Variants in GRAP2 observed in about 807,000 individuals in gnomAD.
The protein encoded by GRAP2 is GRB2 related adaptor protein 2.
A neutral mutation model predicts 43.5 loss-of-function variants in GRAP2; 31 were observed. The observed-to-expected ratio is 0.71, with a 90% CI of 0.54 to 0.96. The LOEUF (loss-of-function observed/expected upper bound fraction) is 0.96, where lower values mean the gene tolerates loss of function less well. GRAP2 is among the 40% of genes least tolerant of loss of function. The pLI is 0.00. For missense variants in GRAP2, 371 were observed against 424.4 expected (o/e 0.87, Z 1.11); for synonymous variants, 156 against 164.8 (o/e 0.95, Z 0.41).
chr22:39,956,856 C>T (rs1292552469), intron 3 of GRAP2, among the ~76,000 whole-genome samples: 3 of 152,130 alleles, frequency 2.0e-5, no homozygotes, highest in East Asian at 1.9e-4. Context: ...CCAAAGGGGA[C>T]GCTATTGGCC....
chr22:39,947,492 C>T (rs1569207849), intron 2 of GRAP2: 1 of 355,842 alleles, frequency 2.8e-6, no homozygotes, highest in Non-Finnish European at 5.3e-6. Flanking sequence ...ACAAGTGATT[C>T]CATCTTGAAA....
intron 3 of GRAP2, among the ~76,000 whole-genome samples, chr22:39,958,575 G>A (rs747028205): frequency 1.3e-5 from 2 of 152,154 alleles, no homozygotes; most frequent in African/African-American, 2.4e-5. Context: ...ATGAACGAAC[G>A]AATATGTATT....
rs528896355 is a variant in GRAP2, at chr22:39,903,830, A to G, written c.-15+2500A>G. 2.6e-5 allele frequency among the ~76,000 whole-genome samples: 4 copies of G among 152,274 alleles called. No individual in the cohort carries two copies. The South Asian group carries it at 8.3e-4, about 32-fold the overall frequency. Reference sequence around the variant, plus strand: ...AAGAAAGCATGGTCCTGTTTAACAAATAAGCATTTTACAAACATTTATCGA... The same window carrying G: ...AAGAAAGCATGGTCCTGTTTAACAAGTAAGCATTTTACAAACATTTATCGA... On this transcript the variant is annotated intron_variant, in intron 1 of 7. Transcript: ENST00000344138.
chr22:39,904,045 TA>T (rs2066508606), intron 1 of GRAP2, among the ~76,000 whole-genome samples: 1 of 152,200 alleles, frequency 6.6e-6, no homozygotes, highest in Admixed American at 6.5e-5. Flanking sequence ...TGCATGATGA[TA>T]AAAGTCTTAT....
intron 1 of GRAP2, among the ~76,000 whole-genome samples, chr22:39,905,602 A>G (rs1319584603): frequency 1.3e-5 from 2 of 152,146 alleles, no homozygotes; most frequent in South Asian, 2.1e-4. Context: ...AGTGCCTGTT[A>G]TTATTGTTAT....
intron 3 of GRAP2, among the ~76,000 whole-genome samples, chr22:39,959,602 A>C (rs2067094464): frequency 6.6e-6 from 1 of 152,136 alleles, no homozygotes; most frequent in Non-Finnish European, 1.5e-5. Flanking sequence ...ACCTCAGGGC[A>C]GGCATGAGCA....
chr22:39,900,499 G>T (rs997283791), upstream of GRAP2, among the ~76,000 whole-genome samples: 1 of 152,118 alleles, frequency 6.6e-6, no homozygotes, highest in Non-Finnish European at 1.5e-5. Flanking sequence ...TACATTTAAA[G>T]GTAAGAACTA....
rs1436855668 is a variant in GRAP2 at position 39,910,756 on chromosome 22, A to C, written c.-15+9426A>C. Among the ~76,000 whole-genome samples, 3 of 151,296 alleles carry C rather than the reference A, an allele frequency of 2.0e-5. No individual in the cohort carries two copies. The East Asian group carries it at 5.8e-4, about 29-fold the overall frequency. Reference sequence around the variant, plus strand: ...ACTGTTGATTTAAAAAAAAAAAAAAACCCTAGGACAGAGGTTTAAATGTAA... The same window carrying C: ...ACTGTTGATTTAAAAAAAAAAAAAACCCCTAGGACAGAGGTTTAAATGTAA... On this transcript the variant is annotated intron_variant, in intron 1 of 7. Coordinates refer to ENST00000344138, the MANE Select transcript of GRAP2 (RefSeq NM_004810.4).
intron 1 of GRAP2, among the ~76,000 whole-genome samples, chr22:39,908,389 A>T (rs765303208): frequency 6.6e-6 from 1 of 152,170 alleles, no homozygotes; most frequent in Non-Finnish European, 1.5e-5. Flanking sequence ...CACATCAATT[A>T]TACTCCAACC....
intron 1 of GRAP2, among the ~76,000 whole-genome samples, chr22:39,934,812 A>G (rs138678401): frequency 2.2e-4 from 34 of 152,296 alleles, no homozygotes; most frequent in Admixed American, 4.6e-4. Context: ...TCAAGGCTAC[A>G]GTGACCCATG....
chr22:39,932,078 C>T (rs149757975), intron 1 of GRAP2, among the ~76,000 whole-genome samples: 1 of 152,236 alleles, frequency 6.6e-6, no homozygotes, highest in Non-Finnish European at 1.5e-5. Flanking sequence ...GCCCACTCCC[C>T]GGTTTTCATG....
intron 1 of GRAP2, among the ~76,000 whole-genome samples, chr22:39,911,133 G>A (rs1601689254): frequency 6.6e-6 from 1 of 152,222 alleles, no homozygotes; most frequent in Non-Finnish European, 1.5e-5. Context: ...GGCAGCATTA[G>A]ATGAGGAGAG....
chr22:39,921,008 CAA>C (rs575498428), intron 1 of GRAP2, among the ~76,000 whole-genome samples: 63 of 150,708 alleles, frequency 4.2e-4, no homozygotes, highest in Non-Finnish European at 7.1e-4. Flanking sequence ...GTAACGACCT[CAA>C]GAGAGCTGGT....
At chr22:39,923,842 G>T (rs1254592111) in intron 1 of GRAP2, among the ~76,000 whole-genome samples, 1 of 152,294 alleles carries the variant, frequency 6.6e-6, no homozygotes, top group South Asian at 2.1e-4. Context: ...GGTTTTCACT[G>T]CCCGGTTACA....
intron 2 of GRAP2, chr22:39,947,540 G>A (rs918457349): frequency 4.2e-6 from 1 of 235,628 alleles, no homozygotes. Flanking sequence ...GTGAACGTCA[G>A]GAATGCACTG....
At chr22:39,949,030 C>G (rs2066953887) in intron 2 of GRAP2, among the ~76,000 whole-genome samples, 1 of 152,206 alleles carries the variant, frequency 6.6e-6, no homozygotes, top group Admixed American at 6.5e-5. Context: ...AAGTCTGTGG[C>G]TCGTGTTCTA....
intron 4 of GRAP2, among the ~76,000 whole-genome samples, chr22:39,963,147 C>T (rs1274836412): frequency 6.6e-6 from 1 of 152,160 alleles, no homozygotes; most frequent in Admixed American, 6.5e-5. Context: ...AAAGCAAAAT[C>T]ATTATTAATT....
intron 1 of GRAP2, chr22:39,926,818 C>A (rs1044847399): frequency 2.0e-6 from 2 of 982,902 alleles, no homozygotes; most frequent in Non-Finnish European, 2.4e-6. Context: ...CTGATCACTG[C>A]CAATTAGGGG....
chr22:39,924,839 G>A (rs1236266499), intron 1 of GRAP2, among the ~76,000 whole-genome samples: 2 of 152,220 alleles, frequency 1.3e-5, no homozygotes, highest in African/African-American at 4.8e-5. Flanking sequence ...CAAGGTAGCT[G>A]GAGAAGTAAA....
Sources: allele counts gnomAD v4.1 joint callset (sites outside exome capture counted in the v4.1 genomes callset), GRCh38; gene constraint gnomAD v4.1.1; transcripts MANE v1.5; gene names NCBI Gene and HGNC (gene_info 2026-07-23, HGNC 2026-07-21).